PEAK1: variants seen among roughly 807,000 people sequenced by gnomAD.
The protein encoded by PEAK1 is inactive tyrosine-protein kinase PEAK1.
Under a neutral mutation model 124.7 loss-of-function variants are expected in PEAK1, and 54 were observed. The observed-to-expected ratio is 0.43, with a 90% CI of 0.35 to 0.54. The LOEUF is 0.54. PEAK1 is among the 20% of genes least tolerant of loss of function. The pLI, the probability that PEAK1 is intolerant of heterozygous loss-of-function variation, is 0.01. For synonymous variants in PEAK1, 719 were observed against 760.0 expected (o/e 0.95, Z 0.89); for missense variants, 2,046 against 2,134.5 (o/e 0.96, Z 0.82).
intron 5 of PEAK1, among the ~76,000 whole-genome samples, chr15:77,269,547 T>C (rs2061921173): frequency 6.6e-6 from 1 of 152,130 alleles, no homozygotes; most frequent in African/African-American, 2.4e-5. Context: ...AGAAATTAGA[T>C]AGGCAACAAC....
At chr15:77,324,300 G>T (rs2065430552) in intron 2 of PEAK1, among the ~76,000 whole-genome samples, 1 of 152,016 alleles carries the variant, frequency 6.6e-6, no homozygotes, top group African/African-American at 2.4e-5. Flanking sequence ...CCCACATGGT[G>T]AAACCCCCAT....
chr15:77,392,729 A>G (rs1369458096), intron 1 of PEAK1, among the ~76,000 whole-genome samples: 2 of 152,204 alleles, frequency 1.3e-5, no homozygotes, highest in Non-Finnish European at 2.9e-5. Context: ...GCGGAGTAAG[A>G]TGGTCAAATA....
intron 6 of PEAK1, among the ~76,000 whole-genome samples, chr15:77,213,358 C>A (rs2152865344): frequency 6.6e-6 from 1 of 152,204 alleles, no homozygotes; most frequent in South Asian, 2.1e-4. Flanking sequence ...GTTCAGAGAT[C>A]ATTTCTACAT....
chr15:77,405,731 A>G (rs555831673), intron 1 of PEAK1, among the ~76,000 whole-genome samples: 1 of 152,294 alleles, frequency 6.6e-6, no homozygotes, highest in African/African-American at 2.4e-5. Flanking sequence ...ATCCATTCCT[A>G]GGGACAAGAT....
chr15:77,238,012 T>G (rs545656460), intron 6 of PEAK1, among the ~76,000 whole-genome samples: 188 of 152,300 alleles, frequency 1.2e-3, no homozygotes, highest in African/African-American at 4.5e-3. Flanking sequence ...TGTATTTCTA[T>G]TTCTCATGTT....
chr15:77,376,436 C>T (rs2069034840), intron 1 of PEAK1, among the ~76,000 whole-genome samples: 1 of 152,018 alleles, frequency 6.6e-6, no homozygotes, highest in African/African-American at 2.4e-5. Context: ...TAAAAACAGT[C>T]CTTCAGAATA....
At chr15:77,279,200 C>T (rs2062525998) in intron 5 of PEAK1, among the ~76,000 whole-genome samples, 1 of 151,858 alleles carries the variant, frequency 6.6e-6, no homozygotes, top group African/African-American at 2.4e-5. Flanking sequence ...GGGCATATGT[C>T]ACTAATAGAA....
intron 2 of PEAK1, among the ~76,000 whole-genome samples, chr15:77,297,593 T>C (rs940424208): frequency 6.6e-6 from 1 of 151,610 alleles, no homozygotes; most frequent in Non-Finnish European, 1.5e-5. Flanking sequence ...ACCTCATTTC[T>C]ACTAAAAATA....
intron 5 of PEAK1, chr15:77,278,623 C>T: frequency 1.9e-6 from 1 of 515,582 alleles, no homozygotes; most frequent in Non-Finnish European, 3.9e-6. Flanking sequence ...AGAAGGTACT[C>T]AAAGGAGAAA....
At chr15:77,391,367 T>C (rs2070432090) in intron 1 of PEAK1, among the ~76,000 whole-genome samples, 1 of 150,348 alleles carries the variant, frequency 6.7e-6, no homozygotes, top group South Asian at 2.1e-4. Flanking sequence ...CTAGAATACC[T>C]CTGTGAACAA....
intron 5 of PEAK1, among the ~76,000 whole-genome samples, chr15:77,269,730 T>A (rs1177692691): frequency 3.9e-5 from 6 of 152,148 alleles, no homozygotes. Flanking sequence ...ACAGACCATA[T>A]GACAGGCCAC....
intron 7 of PEAK1, among the ~76,000 whole-genome samples, chr15:77,168,378 T>C (rs966931945): frequency 2.0e-5 from 3 of 152,198 alleles, no homozygotes; most frequent in Admixed American, 6.5e-5. Context: ...TCTGATATTA[T>C]GGCTTACCAG....
intron 1 of PEAK1, chr15:77,419,371 C>T (rs1366299018): frequency 1.0e-6 from 1 of 985,134 alleles, no homozygotes; most frequent in African/African-American, 1.7e-5. Flanking sequence ...GTTGCAAGAA[C>T]GGATGGGTCA....
intron 1 of PEAK1, among the ~76,000 whole-genome samples, chr15:77,400,253 C>T (rs1281527514): frequency 6.6e-6 from 1 of 151,936 alleles, no homozygotes; most frequent in Admixed American, 6.6e-5. Context: ...GGTTTTTGGA[C>T]ATTCCTCAAA....
At chr15:77,354,412 T>C (rs151148221) in intron 2 of PEAK1, among the ~76,000 whole-genome samples, 60 of 152,338 alleles carry the variant, frequency 3.9e-4, no homozygotes, top group African/African-American at 1.4e-3. Flanking sequence ...CTGGACTATA[T>C]ATAGCCTTCT....
chr15:77,193,803 T>TAACTA (rs56866442), intron 6 of PEAK1, among the ~76,000 whole-genome samples: 23,111 of 145,970 alleles, frequency 0.16, 1,942 homozygotes, highest in Non-Finnish European at 0.18. Context: ...GACTCTATCT[T>TAACTA]AACTAAACTA....
At chr15:77,221,329 G>GGAT (rs1186677201) in intron 6 of PEAK1, among the ~76,000 whole-genome samples, 1 of 152,088 alleles carries the variant, frequency 6.6e-6, no homozygotes, top group African/African-American at 2.4e-5. Context: ...GTAAGACTAT[G>GGAT]GATGTCCTAG....
chr15:77,407,034 A>C (rs1463727664), intron 1 of PEAK1, among the ~76,000 whole-genome samples: 1 of 152,204 alleles, frequency 6.6e-6, no homozygotes, highest in Non-Finnish European at 1.5e-5. Flanking sequence ...AGGATACCCT[A>C]TTCAACAAAT....
Position 77,176,108 on chromosome 15 carries a change from G to T in PEAK1, c.3137+2682C>A, listed in dbSNP as rs1021682849. Among the ~76,000 whole-genome samples the T allele has an allele frequency of 6.6e-5, 10 of 151,890 alleles. No homozygotes were observed. In the East Asian group the frequency reaches 1.4e-3, roughly 21 times the overall value. On this transcript the variant is annotated intron_variant, in intron 7 of 9. Transcript: ENST00000682557. Reference sequence around the variant, plus strand: ...CACACTCTGTGGACTGTTGTGGGGTGGGGGGAGAGGGGAGGGATAGCATTA... The same window carrying T: ...CACACTCTGTGGACTGTTGTGGGGTTGGGGGAGAGGGGAGGGATAGCATTA...
Sources: allele counts gnomAD v4.1 joint callset (sites outside exome capture counted in the v4.1 genomes callset), GRCh38; gene constraint gnomAD v4.1.1; transcripts MANE v1.5; gene names NCBI Gene and HGNC (gene_info 2026-07-23, HGNC 2026-07-21).